PIP5K1B: variants seen among roughly 807,000 people sequenced by gnomAD.
The protein encoded by PIP5K1B is phosphatidylinositol 4-phosphate 5-kinase type-1 beta.
In PIP5K1B, 42 loss-of-function variants were observed where a neutral mutation model predicts 67.0. The observed-to-expected ratio is 0.63, with a 90% CI of 0.49 to 0.81. The LOEUF (loss-of-function observed/expected upper bound fraction) is 0.81. PIP5K1B is among the 30% of genes least tolerant of loss of function. PIP5K1B has a pLI of 0.00. For synonymous variants in PIP5K1B, 214 were observed against 231.4 expected (o/e 0.92, Z 0.68); for missense variants, 459 against 646.3 (o/e 0.71, Z 3.14).
At chr9:68,821,351 A>G (rs751760907) in intron 3 of PIP5K1B, among the ~76,000 whole-genome samples, 11 of 152,314 alleles carry the variant, frequency 7.2e-5, no homozygotes, top group Non-Finnish European at 1.5e-4. Context: ...TAAGCAAACC[A>G]CTAGTATGAA....
At chr9:68,762,539 T>A (rs1326613019) in intron 2 of PIP5K1B, among the ~76,000 whole-genome samples, 2 of 152,120 alleles carry the variant, frequency 1.3e-5, no homozygotes, top group African/African-American at 4.8e-5. Flanking sequence ...TAGAAGGAAA[T>A]CTTCAAAATT....
chr9:68,992,960 C>T (rs1830446454), intron 15 of PIP5K1B, among the ~76,000 whole-genome samples: 1 of 151,538 alleles, frequency 6.6e-6, no homozygotes, highest in African/African-American at 2.4e-5. Flanking sequence ...AGTTCGAGAC[C>T]ATCCTGGCTA....
rs559196314 is a variant in PIP5K1B at position 68,735,652 on chromosome 9, A to C, written c.-242-6849A>C. ...TGATCCGCTTGCCTCAGCCTCCCAAAGTGCTGGGATTACAGGCATGAGCCA... is the reference window on the plus strand; with the variant it reads ...TGATCCGCTTGCCTCAGCCTCCCAACGTGCTGGGATTACAGGCATGAGCCA... On this transcript the variant is annotated intron_variant, in intron 1 of 15. Coordinates refer to ENST00000265382, the MANE Select transcript of PIP5K1B (RefSeq NM_003558.4). Among the ~76,000 whole-genome samples, 487 of 152,284 alleles carry C rather than the reference A, an allele frequency of 3.2e-3. 2 individuals carry two copies. The highest frequency in any genetic ancestry group is 0.011 in the African/African-American group (460 of 41,560).
In PIP5K1B at chr9:68,880,620, TAC is replaced by T. The variant is rs138562154; in HGVS notation, c.318+3842_318+3843del. ...ACACACACACACACACACACACGCATACACACACACACACACAAAATAGAGGG... is the reference window on the plus strand; with the variant it reads ...ACACACACACACACACACACACGCATACACACACACACACAAAATAGAGGG... On this transcript the variant is annotated intron_variant, in intron 6 of 15. Coordinates refer to ENST00000265382, the MANE Select transcript of PIP5K1B (RefSeq NM_003558.4). Among the ~76,000 whole-genome samples the T allele has an allele frequency of 3.4e-3, 293 of 84,944 alleles. 1 individual carries two copies. The highest frequency in any genetic ancestry group is 6.0e-3 in the Non-Finnish European group (210 of 35,290). 55.7% of individuals were successfully genotyped at this position (84,944 alleles called of 152,430 possible).
intron 2 of PIP5K1B, chr9:68,786,149 G>C (rs1469104059): frequency 6.6e-6 from 1 of 152,212 alleles, no homozygotes; most frequent in Non-Finnish European, 1.5e-5. Context: ...TTGCGTGGCA[G>C]CCAAGATTTT....
chr9:68,755,386 A>G (rs1829873420), intron 2 of PIP5K1B, among the ~76,000 whole-genome samples: 1 of 152,250 alleles, frequency 6.6e-6, no homozygotes, highest in Admixed American at 6.5e-5. Context: ...TCACAAATAT[A>G]TTAGGTGCTA....
Position 68,894,620 on chromosome 9 carries a change from A to G in PIP5K1B, c.753A>G (p.Thr251=). 1 of 1,613,948 alleles carries G rather than the reference A, an allele frequency of 6.2e-7. No individual in the cohort carries two copies. Among genetic ancestry groups the G allele is most frequent in the Non-Finnish European group, 8.5e-7 (1 of 1,179,812 alleles). ...AAACATACAACGCGCTTATGAAAAC[A>G]CTTCAGAGAGACTGCCGGGTAAGGA... The part of the protein sequence containing the change: ...DTETYNALMK[T]LQRDCRVLES... Residue 251 remains threonine (T), a synonymous_variant, in exon 8 of 16, where the codon ACA becomes ACG. Transcript: ENST00000265382.
intron 14 of PIP5K1B, among the ~76,000 whole-genome samples, chr9:68,962,484 CA>C (rs756290545): frequency 6.6e-5 from 10 of 152,164 alleles, no homozygotes; most frequent in African/African-American, 1.4e-4. Context: ...TTAAAGTCCT[CA>C]AATTCTGACT....
intron 1 of PIP5K1B, among the ~76,000 whole-genome samples, chr9:68,721,240 G>A (rs1321476713): frequency 2.0e-5 from 3 of 152,188 alleles, no homozygotes; most frequent in Non-Finnish European, 2.9e-5. Flanking sequence ...GGCAACATGA[G>A]CAATAGTTTA....
At chr9:68,864,350 A>G (rs1823256597) in intron 5 of PIP5K1B, among the ~76,000 whole-genome samples, 1 of 152,210 alleles carries the variant, frequency 6.6e-6, no homozygotes, top group East Asian at 1.9e-4. Context: ...TGCTCCCCCT[A>G]ATTTAAAAGC....
chr9:68,980,691 A>G (rs1274866563), intron 14 of PIP5K1B, among the ~76,000 whole-genome samples: 1 of 152,206 alleles, frequency 6.6e-6, no homozygotes, highest in Non-Finnish European at 1.5e-5. Context: ...GCTCAGTGTC[A>G]TAACTTGCCC....
chr9:68,953,617 A>G (rs1006888165), intron 14 of PIP5K1B, among the ~76,000 whole-genome samples: 4 of 151,892 alleles, frequency 2.6e-5, no homozygotes, highest in African/African-American at 9.7e-5. Context: ...GGAGTTCGAG[A>G]CCAGCCTGGG....
At chr9:68,958,716 G>T (rs1475830982) in intron 14 of PIP5K1B, among the ~76,000 whole-genome samples, 1 of 152,118 alleles carries the variant, frequency 6.6e-6, no homozygotes, top group Non-Finnish European at 1.5e-5. Flanking sequence ...GATGCCTCAA[G>T]AATCAGGCCA....
At chr9:68,842,747 C>T (rs1358102743) in intron 4 of PIP5K1B, among the ~76,000 whole-genome samples, 1 of 152,156 alleles carries the variant, frequency 6.6e-6, no homozygotes, top group Non-Finnish European at 1.5e-5. Flanking sequence ...TGCTGAACAT[C>T]CTACAATGGA....
At chr9:68,827,360 C>T (rs567908556) in intron 4 of PIP5K1B, among the ~76,000 whole-genome samples, 20 of 152,306 alleles carry the variant, frequency 1.3e-4, no homozygotes, top group East Asian at 9.6e-4. Context: ...ATAATTTGCA[C>T]CAATGCGGTA....
At chr9:68,713,197 G>C (rs1827475359) in intron 1 of PIP5K1B, among the ~76,000 whole-genome samples, 1 of 152,174 alleles carries the variant, frequency 6.6e-6, no homozygotes. Context: ...TCAGGGGTTT[G>C]AGACCAGCCT....
At chr9:68,737,426 T>G (rs1828792749) in intron 1 of PIP5K1B, among the ~76,000 whole-genome samples, 1 of 152,228 alleles carries the variant, frequency 6.6e-6, no homozygotes, top group Non-Finnish European at 1.5e-5. Context: ...GAATAGATGA[T>G]GTATGCAGAA....
intron 6 of PIP5K1B, among the ~76,000 whole-genome samples, chr9:68,880,704 C>G (rs751753573): frequency 2.0e-5 from 3 of 152,182 alleles, no homozygotes; most frequent in African/African-American, 7.2e-5. Context: ...GTCCACCTCC[C>G]TCATTCACCA....
chr9:68,709,511 G>A (rs913143884), intron 1 of PIP5K1B, among the ~76,000 whole-genome samples: 1 of 152,184 alleles, frequency 6.6e-6, no homozygotes, highest in Non-Finnish European at 1.5e-5. Flanking sequence ...GGGATTACAG[G>A]TGTGAGACCC....
Sources: gnomAD v4.1 joint callset for allele counts (sites outside exome capture counted in the v4.1 genomes callset) on GRCh38, gnomAD v4.1.1 for gene constraint, MANE v1.5 for transcripts, NCBI Gene and HGNC (gene_info 2026-07-23, HGNC 2026-07-21) for gene names.